Variants in ABCC5 observed in about 807,000 individuals in gnomAD.
ABCC5 encodes the protein ATP-binding cassette sub-family C member 5.
ABCC5 carries 61 observed loss-of-function variants against 160.9 expected under a neutral mutation model. The observed-to-expected ratio is 0.38, with a 90% CI of 0.31 to 0.47. The LOEUF is 0.47. Ranked by LOEUF, ABCC5 falls within the 20% of genes least tolerant of loss-of-function variation. The probability of loss-of-function intolerance (pLI) is 0.99; values close to 1 mark genes in which losing one functional copy is unlikely to be tolerated. For missense variants in ABCC5, 1,308 were observed against 1,813.3 expected (o/e 0.72, Z 5.06); for synonymous variants, 666 against 700.6 (o/e 0.95, Z 0.78).
intron 5 of ABCC5, chr3:183,984,352 A>T (rs1021352245): frequency 1.0e-6 from 1 of 985,784 alleles, no homozygotes; most frequent in African/African-American, 1.7e-5. Flanking sequence ...GAAGAAAAAA[A>T]TTGATGTGAA....
chr3:183,930,572 T>A (rs1417063114), intron 26 of ABCC5, among the ~76,000 whole-genome samples: 2 of 152,178 alleles, frequency 1.3e-5, no homozygotes, highest in Non-Finnish European at 2.9e-5. Flanking sequence ...CTTAATCCCA[T>A]ATGACTGGTC....
At chr3:184,008,546 T>C (rs1721427619) in intron 2 of ABCC5, among the ~76,000 whole-genome samples, 1 of 152,266 alleles carries the variant, frequency 6.6e-6, no homozygotes, top group South Asian at 2.1e-4. Flanking sequence ...TCAAATTGTG[T>C]GTGGCCACAA....
At chr3:183,932,735 G>A (rs1713297022) in intron 26 of ABCC5, among the ~76,000 whole-genome samples, 1 of 152,172 alleles carries the variant, frequency 6.6e-6, no homozygotes, top group African/African-American at 2.4e-5. Context: ...AGGCAGAGGT[G>A]GGAGAATCTC....
At chr3:183,980,100 C>A (rs1302905297) in intron 8 of ABCC5, among the ~76,000 whole-genome samples, 1 of 152,180 alleles carries the variant, frequency 6.6e-6, no homozygotes. Context: ...CTCTTGAACT[C>A]CTGACCTTAG....
chr3:183,972,785 C>T (rs1290987534), intron 10 of ABCC5, among the ~76,000 whole-genome samples: 1 of 152,156 alleles, frequency 6.6e-6, no homozygotes, highest in Non-Finnish European at 1.5e-5. Context: ...GCTGAAATTA[C>T]AGGCACGTGC....
intron 11 of ABCC5, among the ~76,000 whole-genome samples, chr3:183,968,953 G>T (rs1717483225): frequency 6.6e-6 from 1 of 152,186 alleles, no homozygotes; most frequent in African/African-American, 2.4e-5. Context: ...TCTGATAGTT[G>T]AACAAATAGT....
At chr3:183,945,775 C>A (rs1229552514) in intron 24 of ABCC5, 75 bp downstream of exon 24, 2 of 1,191,570 alleles carry the variant, frequency 1.7e-6, no homozygotes, top group Non-Finnish European at 2.5e-6. Flanking sequence ...TCCTTGTACA[C>A]CCAGCTGAGG....
Position 184,017,203 on chromosome 3 carries a change from CGCG to C in ABCC5, c.-56+624_-56+626del, listed in dbSNP as rs1722262326. 1 of 152,398 alleles carries C rather than the reference CGCG, an allele frequency of 6.6e-6. No individual in the cohort carries two copies. Among genetic ancestry groups the C allele is most frequent in the Non-Finnish European group, 1.5e-5 (1 of 68,200 alleles). 9.4% of individuals were successfully genotyped at this position (152,398 alleles called of 1,614,324 possible). ...CCTGTGTGATAAACACAAAGCCACCCGCGGCTCTGTGTGGCAGAAGCGAAAAGA... is the reference window on the plus strand; with the variant it reads ...CCTGTGTGATAAACACAAAGCCACCCGCTCTGTGTGGCAGAAGCGAAAAGA... On this transcript the variant is annotated intron_variant, in intron 1 of 29. Transcript: ENST00000334444. The surrounding 1 kb of genome is among the most constrained non-coding windows in gnomAD (Gnocchi z 4.5).
intron 2 of ABCC5, among the ~76,000 whole-genome samples, chr3:183,990,103 C>T (rs1259022656): frequency 6.6e-6 from 1 of 150,868 alleles, no homozygotes; most frequent in African/African-American, 2.4e-5. Flanking sequence ...GCGCCCGGCC[C>T]TGTTTTTATT....
Position 183,921,572 on chromosome 3 carries a change from G to A in ABCC5, c.4213-171C>T, listed in dbSNP as rs1254799556. Among the ~76,000 whole-genome samples, 1 of 151,344 alleles carries A rather than the reference G, an allele frequency of 6.6e-6. No individual in the cohort carries two copies. The highest frequency in any genetic ancestry group is 1.5e-5 in the Non-Finnish European group (1 of 67,920). ...TTTTTTATTTTCAACTATCCAGGGA[G>A]TAAGGGAAAGGACAGAGAAAATGAC... On this transcript the variant is annotated intron_variant, in intron 29 of 29. Transcript: ENST00000334444. The surrounding 1 kb of genome is among the most constrained non-coding windows in gnomAD (Gnocchi z 4.1).
intron 2 of ABCC5, among the ~76,000 whole-genome samples, chr3:183,996,103 G>T (rs146272630): frequency 6.6e-6 from 1 of 152,102 alleles, no homozygotes; most frequent in South Asian, 2.1e-4. Context: ...CACCGTGTCC[G>T]GCCAGAAGGG....
At chr3:183,995,140 AT>A (rs888096593) in intron 2 of ABCC5, among the ~76,000 whole-genome samples, 75 of 148,152 alleles carry the variant, frequency 5.1e-4, no homozygotes, top group South Asian at 1.3e-3. Context: ...TTCTAAGTGA[AT>A]TTTTTTTTTT....
At chr3:183,923,512 G>A (rs886367953) in intron 29 of ABCC5, among the ~76,000 whole-genome samples, 3 of 152,024 alleles carry the variant, frequency 2.0e-5, no homozygotes, top group Admixed American at 1.3e-4. Flanking sequence ...ACTCCCAGCT[G>A]CTCAGGAGAC....
intron 2 of ABCC5, chr3:184,001,384 T>A (rs1158280347): frequency 2.4e-6 from 1 of 420,572 alleles, no homozygotes; most frequent in African/African-American, 2.0e-5. Flanking sequence ...GTATTTCTTT[T>A]TTCGTACTAA....
chr3:183,927,914 T>G, intron 27 of ABCC5: 1 of 721,376 alleles, frequency 1.4e-6, no homozygotes, highest in Non-Finnish European at 1.7e-6. Context: ...CTACTAATAG[T>G]TGAATTAGGG....
chr3:183,960,334 C>G (rs936528385), intron 16 of ABCC5, among the ~76,000 whole-genome samples: 2 of 152,216 alleles, frequency 1.3e-5, no homozygotes, highest in Admixed American at 1.3e-4. Flanking sequence ...GGACTTCACA[C>G]CATTCCTTAC....
chr3:183,972,798 C>T (rs1717883253), intron 10 of ABCC5, among the ~76,000 whole-genome samples: 1 of 152,094 alleles, frequency 6.6e-6, no homozygotes, highest in African/African-American at 2.4e-5. Context: ...GCACGTGCCA[C>T]CATGCCCGGC....
At chr3:183,993,202 G>A (rs963166857) in intron 2 of ABCC5, among the ~76,000 whole-genome samples, 4 of 151,982 alleles carry the variant, frequency 2.6e-5, no homozygotes, top group Non-Finnish European at 4.4e-5. Flanking sequence ...AGGTACTGCC[G>A]GGCTGGGCGC....
chr3:183,953,135 G>T lies in ABCC5; in HGVS notation c.2618C>A (p.Thr873Asn). 6.2e-7 allele frequency: 1 copy of T among 1,614,044 alleles called. No individual in the cohort carries two copies. Among genetic ancestry groups the T allele is most frequent in the Non-Finnish European group, 8.5e-7 (1 of 1,180,018 alleles). The stretch of plus-strand genomic sequence containing the variant: ...ACTCAACCACCAGGTGCTGAAGGCG[G>T]TGCTGCCTACATTCAGCATGAAAAG... ...MALFMLNVGS[T>N]AFSTWWLSYW... The change falls in exon 18 of 30, where the codon ACC becomes AAC. Residue 873 changes from threonine (T) to asparagine (N), a missense_variant. Physicochemically the swap from Thr to Asn is moderately conservative, Grantham distance 65. Around this residue, in one of 3 missense-constraint regions of ABCC5, gnomAD observed 1,142 missense variants for 1,527.1 expected, o/e 0.75. Coordinates refer to ENST00000334444, the MANE Select transcript of ABCC5 (RefSeq NM_005688.4).
Sources: gnomAD v4.1 joint callset for allele counts (sites outside exome capture counted in the v4.1 genomes callset) on GRCh38, gnomAD v4.1.1 for gene constraint, gnomAD v4.1.1 regional missense constraint, Gnocchi (gnomAD v3.1) non-coding constraint, MANE v1.5 for transcripts, NCBI Gene and HGNC (gene_info 2026-07-23, HGNC 2026-07-21) for gene names.